Variants in C10orf67 observed in about 807,000 individuals in gnomAD.
The protein encoded by C10orf67 is chromosome 10 open reading frame 67, also known as uncharacterized protein C10orf67, mitochondrial.
Under a neutral mutation model 35.6 loss-of-function variants are expected in C10orf67, and 60 were observed. That is an observed-to-expected ratio of 1.68 (90% CI 1.37 to 2.09). The LOEUF is 2.09. C10orf67 is among the 30% of genes most tolerant of loss of function. The pLI is 0.00. For missense variants in C10orf67, 474 were observed against 330.2 expected (o/e 1.44, Z -3.38); for synonymous variants, 167 against 115.8 (o/e 1.44, Z -2.84).
intron 8 of C10orf67, among the ~76,000 whole-genome samples, chr10:23,270,397 C>G (rs1328123517): frequency 1.3e-5 from 2 of 152,198 alleles, no homozygotes; most frequent in Admixed American, 1.3e-4. Flanking sequence ...CTCATGAGCC[C>G]ATACCACCAG....
At chr10:23,229,456 A>C in intron 13 of C10orf67, among the ~76,000 whole-genome samples, 1 of 120,872 alleles carries the variant, frequency 8.3e-6, no homozygotes, top group African/African-American at 3.1e-5. Context: ...GGGGGGAGGG[A>C]TAGCATTAGG....
At position 23,267,175 on chromosome 10, in the gene C10orf67, G is replaced by A. The variant is rs780875911; in HGVS notation, c.1035+20C>T. The A allele has an allele frequency of 1.6e-5, 11 of 704,348 alleles. No homozygotes were observed. Among genetic ancestry groups the A allele is most frequent in the Middle Eastern group, 4.7e-4 (2 of 4,274 alleles). 43.6% of individuals were successfully genotyped at this position (704,348 alleles called of 1,614,324 possible). On this transcript the variant is annotated intron_variant, in intron 9 of 15. Coordinates refer to ENST00000636213, the MANE Select transcript of C10orf67 (RefSeq NM_001371909.1). Reference sequence around the variant, plus strand: ...ACAAAATAAAAGAGAAAGAGAGAGAGAAAAAACTTAAATACAAACCTTTAC... The same window carrying A: ...ACAAAATAAAAGAGAAAGAGAGAGAAAAAAAACTTAAATACAAACCTTTAC...
intron 15 of C10orf67, among the ~76,000 whole-genome samples, chr10:23,211,824 T>C (rs1841317365): frequency 6.6e-6 from 1 of 152,172 alleles, no homozygotes; most frequent in Non-Finnish European, 1.5e-5. Context: ...AGTGAGTTCA[T>C]GATTTAGGAC....
chr10:23,344,402 T>G (rs1180452415), intron 1 of C10orf67, 167 bp downstream of exon 1: 2 of 695,874 alleles, frequency 2.9e-6, no homozygotes, highest in East Asian at 2.7e-5. Context: ...CGCTGCGCTT[T>G]CACTGTCCCG....
intron 4 of C10orf67, among the ~76,000 whole-genome samples, chr10:23,314,333 C>T (rs939138528): frequency 1.3e-5 from 2 of 151,782 alleles, no homozygotes; most frequent in Admixed American, 6.6e-5. Context: ...TTAAAACACA[C>T]ACGTTTGGCC....
intron 12 of C10orf67, among the ~76,000 whole-genome samples, chr10:23,241,350 C>T (rs1276984543): frequency 6.6e-6 from 1 of 152,170 alleles, no homozygotes; most frequent in Non-Finnish European, 1.5e-5. Flanking sequence ...TTAGATGATG[C>T]AAACTAGGAC....
At chr10:23,260,173 G>A (rs944301291) in intron 10 of C10orf67, among the ~76,000 whole-genome samples, 10 of 152,036 alleles carry the variant, frequency 6.6e-5, no homozygotes, top group Non-Finnish European at 1.2e-4. Context: ...ACAGAGAAAC[G>A]AAGTTAAAAT....
chr10:23,234,709 C>T (rs1841998449), intron 13 of C10orf67, among the ~76,000 whole-genome samples: 1 of 147,108 alleles, frequency 6.8e-6, no homozygotes, highest in Non-Finnish European at 1.5e-5. Context: ...CAAGTCAAGG[C>T]TAAAAAAAAA....
At chr10:23,202,111 G>T (rs900434952), downstream of C10orf67, 1 of 152,246 alleles carries the variant, frequency 6.6e-6, no homozygotes, top group African/African-American at 2.4e-5. Context: ...GCGTGCTCAG[G>T]ACCCCAGGGA....
At chr10:23,246,217 G>T (rs534007491) in intron 12 of C10orf67, among the ~76,000 whole-genome samples, 1 of 152,132 alleles carries the variant, frequency 6.6e-6, no homozygotes, top group African/African-American at 2.4e-5. Flanking sequence ...AGGTTTGGAG[G>T]AGAGTGAGGA....
chr10:23,274,981 T>TC (rs1843143768), intron 8 of C10orf67, among the ~76,000 whole-genome samples: 6 of 152,186 alleles, frequency 3.9e-5, no homozygotes, highest in Admixed American at 3.9e-4. Flanking sequence ...CTTCAGCCGG[T>TC]CCCTCTGTTC....
Position 23,318,656 on chromosome 10 carries a change from A to G in C10orf67, c.546+2085T>C, listed in dbSNP as rs1036765238. On this transcript the variant is annotated intron_variant, in intron 4 of 15. Transcript: ENST00000636213. Reference sequence around the variant, plus strand: ...GACAGTGTCACAGATGCCTTTGGAAACACAGTTTGGCACAGAGTCACAGAG... The same window carrying G: ...GACAGTGTCACAGATGCCTTTGGAAGCACAGTTTGGCACAGAGTCACAGAG... 12 of 442,824 alleles carry G rather than the reference A, an allele frequency of 2.7e-5. No individual in the cohort carries two copies. The Admixed American group carries it at 4.5e-4, about 17-fold the overall frequency. 27.4% of individuals were successfully genotyped at this position (442,824 alleles called of 1,614,324 possible). A position where few individuals can be genotyped will look rare whatever the true frequency, so the allele number is the denominator to read the frequency against.
chr10:23,216,257 A>G (rs1477478202), intron 15 of C10orf67, among the ~76,000 whole-genome samples: 1 of 152,216 alleles, frequency 6.6e-6, no homozygotes, highest in Non-Finnish European at 1.5e-5. Flanking sequence ...GTTAATAAAC[A>G]TATAAAGAAT....
intron 8 of C10orf67, among the ~76,000 whole-genome samples, chr10:23,273,541 CATT>C (rs1343356896): frequency 6.6e-6 from 1 of 152,168 alleles, no homozygotes; most frequent in Non-Finnish European, 1.5e-5. Flanking sequence ...TCTGGAATCT[CATT>C]ATCTAAATCA....
intron 15 of C10orf67, among the ~76,000 whole-genome samples, chr10:23,211,455 C>T (rs889509720): frequency 2.0e-5 from 1 of 49,328 alleles, no homozygotes; most frequent in Admixed American, 2.8e-4. Flanking sequence ...TTTTGTGAGG[C>T]GGTGTGTGTG....
chr10:23,244,654 A>G (rs982954083), intron 12 of C10orf67, among the ~76,000 whole-genome samples: 1 of 152,228 alleles, frequency 6.6e-6, no homozygotes, highest in Non-Finnish European at 1.5e-5. Context: ...AAGGTAAAAG[A>G]TCTGTATCTT....
chr10:23,260,726 G>A (rs1842725128), intron 10 of C10orf67, among the ~76,000 whole-genome samples: 1 of 152,110 alleles, frequency 6.6e-6, no homozygotes, highest in African/African-American at 2.4e-5. Flanking sequence ...CCCACCAGAG[G>A]TTCCTATGGA....
chr10:23,319,209 A>G (rs1844851895), intron 4 of C10orf67, among the ~76,000 whole-genome samples: 1 of 152,152 alleles, frequency 6.6e-6, no homozygotes, highest in Admixed American at 6.5e-5. Context: ...CTTTGTGTCC[A>G]TATGTTCTCA....
At chr10:23,257,433 G>C (rs1053709777) in intron 10 of C10orf67, among the ~76,000 whole-genome samples, 1 of 152,142 alleles carries the variant, frequency 6.6e-6, no homozygotes, top group South Asian at 2.1e-4. Flanking sequence ...TATAAGCTGA[G>C]GGTAGAGTGG....
Sources: allele counts gnomAD v4.1 joint callset (sites outside exome capture counted in the v4.1 genomes callset), GRCh38; gene constraint gnomAD v4.1.1; transcripts MANE v1.5; gene names NCBI Gene and HGNC (gene_info 2026-07-23, HGNC 2026-07-21).